Variants in ITGB8 observed in about 807,000 individuals in gnomAD.
The protein encoded by ITGB8 is integrin beta-8.
ITGB8 carries 30 observed loss-of-function variants against 89.5 expected under a neutral mutation model. The observed-to-expected ratio is 0.34, with a 90% CI of 0.25 to 0.45. ITGB8 has a LOEUF of 0.45. ITGB8 is among the 20% of genes least tolerant of loss of function. The pLI is 1.00. For missense variants in ITGB8, 836 were observed against 933.3 expected (o/e 0.90, Z 1.36); for synonymous variants, 335 against 320.4 (o/e 1.05, Z -0.49).
chr7:20,356,338 G>A (rs1785293519), intron 1 of ITGB8, among the ~76,000 whole-genome samples: 1 of 151,996 alleles, frequency 6.6e-6, no homozygotes, highest in Non-Finnish European at 1.5e-5. Context: ...ATATTTCTCT[G>A]CAAAAGAGAG....
intron 7 of ITGB8, 43 bp downstream of exon 7, chr7:20,391,541 G>T: frequency 9.6e-7 from 1 of 1,044,978 alleles, no homozygotes; most frequent in South Asian, 1.6e-5. Flanking sequence ...TTTTTTCATT[G>T]GTAATTGAAA....
chr7:20,359,044 G>A (rs1185354482), intron 1 of ITGB8, among the ~76,000 whole-genome samples: 1 of 152,176 alleles, frequency 6.6e-6, no homozygotes, highest in Non-Finnish European at 1.5e-5. Context: ...ACATGATTTT[G>A]CTCTTTCTTA....
intron 1 of ITGB8, among the ~76,000 whole-genome samples, chr7:20,350,045 A>G (rs1785061260): frequency 6.6e-6 from 1 of 152,228 alleles, no homozygotes; most frequent in South Asian, 2.1e-4. Context: ...ACAGGGAATA[A>G]TCAGTCTGCA....
intron 10 of ITGB8, among the ~76,000 whole-genome samples, chr7:20,403,105 G>A (rs898818742): frequency 2.6e-5 from 4 of 152,124 alleles, no homozygotes; most frequent in African/African-American, 9.7e-5. Context: ...TGAAAATTTG[G>A]CCTGTATCAC....
chr7:20,355,655 C>T, intron 1 of ITGB8, among the ~76,000 whole-genome samples: 1 of 152,150 alleles, frequency 6.6e-6, no homozygotes, highest in East Asian at 1.9e-4. Flanking sequence ...ATAGTTTGCC[C>T]CATAAAGATA....
chr7:20,354,121 G>C (rs1349327485), intron 1 of ITGB8, among the ~76,000 whole-genome samples: 3 of 151,986 alleles, frequency 2.0e-5, no homozygotes, highest in Non-Finnish European at 4.4e-5. Context: ...GAATTAAATT[G>C]TCAAATTAAC....
At position 20,380,805 on chromosome 7, in the gene ITGB8, G is replaced by A; in HGVS notation, c.775G>A (p.Ala259Thr). The change falls in exon 5 of 14, where the codon GCC becomes ACC. Residue 259 changes from alanine (A) to threonine (T), a missense_variant. Transcript: ENST00000222573. ...AGATACACCAGAAGGAGGTTTTGAC[G>A]CCATGCTTCAGGCAGCTGTCTGTGA... ...NIDTPEGGFD[A>T]MLQAAVCESH... 1.9e-6 allele frequency: 3 copies of A among 1,613,142 alleles called. No individual in the cohort carries two copies. Among genetic ancestry groups the A allele is most frequent in the Non-Finnish European group, 2.5e-6 (3 of 1,179,530 alleles).
At chr7:20,338,070 A>G (rs1425738297) in intron 1 of ITGB8, among the ~76,000 whole-genome samples, 2 of 152,182 alleles carry the variant, frequency 1.3e-5, no homozygotes, top group African/African-American at 4.8e-5. Flanking sequence ...AGAAGAGGGG[A>G]AGATAATGGC....
chr7:20,343,390 C>G (rs567146532), intron 1 of ITGB8, among the ~76,000 whole-genome samples: 3 of 152,268 alleles, frequency 2.0e-5, no homozygotes, highest in Non-Finnish European at 4.4e-5. Context: ...CCTCCCACTC[C>G]CCCTTGAGGT....
At chr7:20,405,327 A>T (rs1390416029) in intron 11 of ITGB8, among the ~76,000 whole-genome samples, 2 of 139,228 alleles carry the variant, frequency 1.4e-5, no homozygotes, top group African/African-American at 2.8e-5. Flanking sequence ...ATATATATAT[A>T]TTTTTTTTTT....
intron 3 of ITGB8, among the ~76,000 whole-genome samples, chr7:20,368,074 A>T (rs1483939737): frequency 6.6e-6 from 1 of 152,146 alleles, no homozygotes; most frequent in Non-Finnish European, 1.5e-5. Context: ...TCCCCATTCC[A>T]GAACTGTGCT....
At chr7:20,345,147 G>A (rs1784880445) in intron 1 of ITGB8, among the ~76,000 whole-genome samples, 1 of 152,236 alleles carries the variant, frequency 6.6e-6, no homozygotes, top group Non-Finnish European at 1.5e-5. Flanking sequence ...AATTCCCAGG[G>A]CCTCAGGGAG....
intron 8 of ITGB8, among the ~76,000 whole-genome samples, chr7:20,395,306 G>A (rs1176880245): frequency 2.0e-5 from 3 of 152,188 alleles, no homozygotes; most frequent in Non-Finnish European, 4.4e-5. Flanking sequence ...CCATGAAATT[G>A]CGTCATTTCC....
intron 8 of ITGB8, among the ~76,000 whole-genome samples, chr7:20,398,588 T>C (rs995625737): frequency 6.6e-6 from 1 of 152,206 alleles, no homozygotes; most frequent in Non-Finnish European, 1.5e-5. Flanking sequence ...GACTGATAAA[T>C]ATCTTTGAAG....
At chr7:20,362,085 C>CA in intron 1 of ITGB8, among the ~76,000 whole-genome samples, 1 of 152,236 alleles carries the variant, frequency 6.6e-6, no homozygotes, top group African/African-American at 2.4e-5. Flanking sequence ...TCCATACTAC[C>CA]CCAGTTAGCA....
At chr7:20,397,918 A>G (rs1165062317) in intron 8 of ITGB8, among the ~76,000 whole-genome samples, 2 of 151,024 alleles carry the variant, frequency 1.3e-5, no homozygotes, top group Admixed American at 1.3e-4. Flanking sequence ...CCCGCTGCTC[A>G]CTCTCTTTCT....
At chr7:20,367,385 C>G (rs188905704) in intron 3 of ITGB8, among the ~76,000 whole-genome samples, 199 bp downstream of exon 3, 1 of 152,150 alleles carries the variant, frequency 6.6e-6, no homozygotes, top group Non-Finnish European at 1.5e-5. Flanking sequence ...GCAAACCTGA[C>G]CACACTATAT....
intron 12 of ITGB8, 60 bp downstream of exon 12, chr7:20,406,231 C>T: frequency 9.7e-7 from 1 of 1,030,524 alleles, no homozygotes; most frequent in East Asian, 2.4e-5. Context: ...GATGTTCCCC[C>T]AAAAGACCCA....
chr7:20,376,888 G>A (rs973308570), intron 3 of ITGB8, among the ~76,000 whole-genome samples: 12 of 152,242 alleles, frequency 7.9e-5, no homozygotes, highest in East Asian at 5.8e-4. Flanking sequence ...TCCGGTATAC[G>A]TGCTAAGGCC....
Sources: gnomAD v4.1 joint callset for allele counts (sites outside exome capture counted in the v4.1 genomes callset) on GRCh38, gnomAD v4.1.1 for gene constraint, MANE v1.5 for transcripts, NCBI Gene and HGNC (gene_info 2026-07-23, HGNC 2026-07-21) for gene names.